Variants in GPR137C observed in about 807,000 individuals in gnomAD.
GPR137C encodes the protein integral membrane protein GPR137C.
GPR137C carries 27 observed loss-of-function variants against 43.4 expected under a neutral mutation model. The ratio of observed to expected loss-of-function variants is 0.62; its 90% CI spans 0.46 to 0.86. The LOEUF is 0.86. Among genes scored for constraint, GPR137C ranks in the 40% least tolerant of loss-of-function variants. GPR137C has a pLI of 0.00. For synonymous variants in GPR137C, 285 were observed against 226.9 expected (o/e 1.26, Z -2.30); for missense variants, 522 against 534.6 (o/e 0.98, Z 0.23).
At chr14:52,615,750 T>G (rs2039091716) in intron 3 of GPR137C, among the ~76,000 whole-genome samples, 1 of 152,202 alleles carries the variant, frequency 6.6e-6, no homozygotes, top group Admixed American at 6.5e-5. Flanking sequence ...CTGGTTTGAT[T>G]TCTTTTTCAC....
At chr14:52,579,306 A>C (rs1343086153) in intron 1 of GPR137C, among the ~76,000 whole-genome samples, 2 of 152,192 alleles carry the variant, frequency 1.3e-5, no homozygotes, top group Non-Finnish European at 2.9e-5. Flanking sequence ...TGGCCTCTCC[A>C]GAGAATAAAT....
At chr14:52,630,136 A>G (rs2039277890) in intron 3 of GPR137C, among the ~76,000 whole-genome samples, 1 of 151,896 alleles carries the variant, frequency 6.6e-6, no homozygotes, top group African/African-American at 2.4e-5. Flanking sequence ...GGTGTCTTTC[A>G]TTGTTTTATG....
At chr14:52,602,284 A>G (rs982574467) in intron 3 of GPR137C, among the ~76,000 whole-genome samples, 1 of 150,668 alleles carries the variant, frequency 6.6e-6, no homozygotes, top group Non-Finnish European at 1.5e-5. Flanking sequence ...TTGAGCATCT[A>G]CCTCTTTCAC....
chr14:52,564,227 A>G (rs1262820210), intron 1 of GPR137C, among the ~76,000 whole-genome samples: 5 of 144,938 alleles, frequency 3.4e-5, no homozygotes, highest in African/African-American at 1.3e-4. Flanking sequence ...GTGAGCCGAG[A>G]TCGCATCACT....
chr14:52,581,533 CAAA>C (rs11420705), intron 1 of GPR137C, among the ~76,000 whole-genome samples: 1 of 128,066 alleles, frequency 7.8e-6, no homozygotes, highest in Admixed American at 8.1e-5. Context: ...GACTCCGTCT[CAAA>C]AAAAAAAAAA....
rs750785686 is a variant in GPR137C, at chr14:52,553,301, C to A, written c.154C>A (p.Leu52Met). 2.6e-6 allele frequency: 4 copies of A among 1,554,218 alleles called. No homozygotes were observed. In the South Asian group the frequency reaches 4.7e-5, roughly 18 times the overall value. Residue 52 changes from leucine to methionine, a missense_variant, in exon 1 of 7, where the codon CTG becomes ATG. Around this residue, in one of 3 missense-constraint regions of GPR137C, gnomAD observed 437 missense variants for 425.7 expected, o/e 1.03. Coordinates refer to ENST00000321662, the MANE Select transcript of GPR137C (RefSeq NM_001099652.2). ...CTCCGTGCAGTTGGCGCTGAGCGTC[C>A]TGCACGCCCTGCTCTACGCCGCGCT... ...PGSVQLALSV[L>M]HALLYAALFA...
intron 2 of GPR137C, among the ~76,000 whole-genome samples, chr14:52,598,660 T>C (rs2038886603): frequency 6.6e-6 from 1 of 152,218 alleles, no homozygotes; most frequent in Non-Finnish European, 1.5e-5. Context: ...GAATGTTCCA[T>C]GAAATAGGTA....
chr14:52,618,380 C>A (rs987186999), intron 3 of GPR137C, among the ~76,000 whole-genome samples: 2 of 152,044 alleles, frequency 1.3e-5, no homozygotes, highest in African/African-American at 2.4e-5. Context: ...TGTCTTTTAA[C>A]TTTTTGTCTA....
At position 52,566,445 on chromosome 14, in the gene GPR137C, T is replaced by A. The variant is rs181871982; in HGVS notation, c.444+12854T>A. Among the ~76,000 whole-genome samples, 11 of 152,318 alleles carry A rather than the reference T, an allele frequency of 7.2e-5. No individual in the cohort carries two copies. The East Asian group carries it at 1.2e-3, about 16-fold the overall frequency. On this transcript the variant is annotated intron_variant, in intron 1 of 6. Transcript: ENST00000321662. ...GCCCTATTTTAGGTTGTTTCATTGG[T>A]CAGGAGCCCCTTGTATTTTTTCTCT...
At chr14:52,562,696 G>GAATACTAT (rs1286168558) in intron 1 of GPR137C, among the ~76,000 whole-genome samples, 10 of 152,234 alleles carry the variant, frequency 6.6e-5, no homozygotes, top group African/African-American at 2.4e-4. Flanking sequence ...TGGCATTTAA[G>GAATACTAT]AATACTATAT....
At chr14:52,556,979 A>C (rs890809268) in intron 1 of GPR137C, among the ~76,000 whole-genome samples, 2 of 152,176 alleles carry the variant, frequency 1.3e-5, no homozygotes, top group Admixed American at 6.5e-5. Context: ...TAAATTCAAA[A>C]TCTTAACTCT....
rs573696706 is a variant in GPR137C, at chr14:52,578,909, A to G, written c.445-19363A>G. On this transcript the variant is annotated intron_variant, in intron 1 of 6. Coordinates refer to ENST00000321662, the MANE Select transcript of GPR137C (RefSeq NM_001099652.2). ...CAGTGAGCTGAGATCGTGCCACTGC[A>G]CTCCTGCCTGGTCAACAAGAGCGAG... is the stretch of plus-strand genomic sequence containing the variant. 1.1e-3 allele frequency among the ~76,000 whole-genome samples: 163 copies of G among 151,040 alleles called. 1 individual carries two copies. The highest frequency in any genetic ancestry group is 3.8e-3 in the African/African-American group (158 of 41,100).
chr14:52,560,749 C>T (rs1041723743), intron 1 of GPR137C, among the ~76,000 whole-genome samples: 15 of 152,124 alleles, frequency 9.9e-5, no homozygotes, highest in African/African-American at 3.6e-4. Context: ...ATAGAATGTA[C>T]TTGACATAGA....
rs183315356 is a variant in GPR137C at position 52,621,679 on chromosome 14, T to G, written c.718-10481T>G. 2.6e-5 allele frequency among the ~76,000 whole-genome samples: 4 copies of G among 151,896 alleles called. No homozygotes were observed. In the East Asian group the frequency reaches 7.7e-4, roughly 29 times the overall value. On this transcript the variant is annotated intron_variant, in intron 3 of 6. Coordinates refer to ENST00000321662, the MANE Select transcript of GPR137C (RefSeq NM_001099652.2). ...CTATACAGTTGCAAAGTTCTAACAT[T>G]TATATCAAATGATAGGATATTAACT...
intron 1 of GPR137C, among the ~76,000 whole-genome samples, chr14:52,570,020 G>A (rs1324207150): frequency 6.6e-6 from 1 of 152,072 alleles, no homozygotes; most frequent in Non-Finnish European, 1.5e-5. Flanking sequence ...TCCACAAGAA[G>A]AGCAATGCAA....
At chr14:52,622,128 C>T (rs968331869) in intron 3 of GPR137C, among the ~76,000 whole-genome samples, 1 of 151,938 alleles carries the variant, frequency 6.6e-6, no homozygotes, top group Non-Finnish European at 1.5e-5. Context: ...AATCCATCCT[C>T]ACACATATAT....
intron 1 of GPR137C, among the ~76,000 whole-genome samples, chr14:52,573,173 A>G (rs573419035): frequency 6.6e-6 from 1 of 152,344 alleles, no homozygotes; most frequent in African/African-American, 2.4e-5. Context: ...ATTAAGTGCT[A>G]TCCCCATCAA....
rs537494305 is a variant in GPR137C at position 52,568,423 on chromosome 14, C to A, written c.444+14832C>A. Among the ~76,000 whole-genome samples the A allele has an allele frequency of 3.3e-5, 5 of 152,042 alleles. No individual in the cohort carries two copies. The East Asian group carries it at 9.7e-4, about 29-fold the overall frequency. The stretch of plus-strand genomic sequence containing the variant: ...TAACTGCAGGAGTTTTTTTTTCATA[C>A]CCCGGTGGCACCTGGAACACCAGCG... On this transcript the variant is annotated intron_variant, in intron 1 of 6. Transcript: ENST00000321662.
At chr14:52,585,128 A>G (rs1010751764) in intron 1 of GPR137C, among the ~76,000 whole-genome samples, 8 of 152,212 alleles carry the variant, frequency 5.3e-5, no homozygotes, top group Admixed American at 3.9e-4. Context: ...AATAGAATCC[A>G]TCTGCCAAAT....
Sources: allele counts gnomAD v4.1 joint callset (sites outside exome capture counted in the v4.1 genomes callset), GRCh38; gene constraint gnomAD v4.1.1; regional missense constraint gnomAD v4.1.1; transcripts MANE v1.5; gene names NCBI Gene and HGNC (gene_info 2026-07-23, HGNC 2026-07-21).